Variants in POU6F2 observed in about 807,000 individuals in gnomAD.
POU6F2 encodes POU domain, class 6, transcription factor 2.
In POU6F2, 31 loss-of-function variants were observed where a neutral mutation model predicts 71.3. That is an observed-to-expected ratio of 0.43 (90% CI 0.33 to 0.59). The LOEUF (loss-of-function observed/expected upper bound fraction) is 0.59, where lower values mean the gene tolerates loss of function less well. POU6F2 is among the 20% of genes least tolerant of loss of function. The pLI is 0.04. For missense variants in POU6F2, 783 were observed against 856.8 expected (o/e 0.91, Z 1.07); for synonymous variants, 347 against 355.7 (o/e 0.98, Z 0.27).
In POU6F2 at chr7:39,199,977, A is replaced by G. The variant is rs141360272; in HGVS notation, c.278-4258A>G. Among the ~76,000 whole-genome samples the G allele has an allele frequency of 2.5e-3, 378 of 152,344 alleles. 1 individual carries two copies. The highest frequency in any genetic ancestry group is 8.6e-3 in the African/African-American group (356 of 41,576). On this transcript the variant is annotated intron_variant, in intron 2 of 9. Coordinates refer to ENST00000518318, the MANE Select transcript of POU6F2 (RefSeq NM_001370959.1). ...AATTTTATATTATGATCCCTTTAAA[A>G]TCAGTTATTATATTTTTAAAATTAC...
intron 1 of POU6F2, among the ~76,000 whole-genome samples, chr7:39,015,700 T>TATAACATATAGATATA (rs1554308029): frequency 1.3e-4 from 11 of 84,490 alleles, no homozygotes; most frequent in African/African-American, 2.8e-4. Context: ...CTATATATTA[T>TATAACATATAGATATA]ATATATCTAT....
intron 1 of POU6F2, among the ~76,000 whole-genome samples, chr7:39,025,212 C>G (rs1285539204): frequency 6.6e-6 from 1 of 152,164 alleles, no homozygotes. Flanking sequence ...AGAGATTCAA[C>G]TTCTTCCTGG....
chr7:39,084,541 C>T (rs1791194692), intron 1 of POU6F2, among the ~76,000 whole-genome samples: 1 of 152,032 alleles, frequency 6.6e-6, no homozygotes, highest in Non-Finnish European at 1.5e-5. Context: ...GCACAGAGTC[C>T]AATATTTAAG....
chr7:39,067,139 G>T (rs1790773085), intron 1 of POU6F2, among the ~76,000 whole-genome samples: 1 of 145,144 alleles, frequency 6.9e-6, no homozygotes, highest in African/African-American at 2.5e-5. Flanking sequence ...TTCAAAAATA[G>T]ACCTGGAATT....
At chr7:39,087,061 A>C (rs1272538173) in intron 2 of POU6F2, among the ~76,000 whole-genome samples, 2 of 132,544 alleles carry the variant, frequency 1.5e-5, no homozygotes, top group African/African-American at 2.8e-5. Flanking sequence ...CAAGCACCTG[A>C]ACTTCAAAAA....
chr7:39,336,121 C>G (rs1562794625), intron 4 of POU6F2, among the ~76,000 whole-genome samples: 1 of 152,236 alleles, frequency 6.6e-6, no homozygotes, highest in African/African-American at 2.4e-5. Context: ...TAGTACAATA[C>G]ACATAACATA....
intron 2 of POU6F2, among the ~76,000 whole-genome samples, chr7:39,149,229 G>A (rs1270533378): frequency 1.3e-5 from 2 of 152,120 alleles, no homozygotes; most frequent in Non-Finnish European, 2.9e-5. Context: ...TGTGGACTTT[G>A]CAATCTATTG....
chr7:39,208,803 C>G (rs891097566), intron 4 of POU6F2, among the ~76,000 whole-genome samples: 1 of 152,168 alleles, frequency 6.6e-6, no homozygotes, highest in East Asian at 1.9e-4. Flanking sequence ...GAAGCCAGAT[C>G]TCAAGATTAA....
chr7:39,297,190 T>TCACATACACACAC (rs1554339589), intron 4 of POU6F2, among the ~76,000 whole-genome samples: 9 of 118,108 alleles, frequency 7.6e-5, no homozygotes, highest in African/African-American at 1.5e-4. Context: ...CAAACACACA[T>TCACATACACACAC]ACACATACAC....
chr7:39,017,813 CGTGTGTGTGTGTGT>C (rs70977447), intron 1 of POU6F2, among the ~76,000 whole-genome samples: 1 of 147,924 alleles, frequency 6.8e-6, no homozygotes, highest in African/African-American at 2.5e-5. Flanking sequence ...ATTGTGCATG[CGTGTGTGTGTGTGT>C]GTGTGTGTGT....
chr7:38,994,431 C>A (rs1337330550), intron 1 of POU6F2, among the ~76,000 whole-genome samples: 1 of 152,038 alleles, frequency 6.6e-6, no homozygotes, highest in Non-Finnish European at 1.5e-5. Context: ...CTAGGAAAAT[C>A]CATTTGCCAG....
chr7:39,042,538 G>C (rs915402818), intron 1 of POU6F2, among the ~76,000 whole-genome samples: 3 of 151,996 alleles, frequency 2.0e-5, no homozygotes, highest in African/African-American at 4.8e-5. Context: ...ACCCATGTTT[G>C]ACATGTAGCA....
chr7:39,245,777 G>A (rs533999760), intron 4 of POU6F2, among the ~76,000 whole-genome samples: 13 of 152,214 alleles, frequency 8.5e-5, no homozygotes, highest in Non-Finnish European at 1.6e-4. Flanking sequence ...GAGCATCAGT[G>A]GGGAAAGAAT....
At chr7:39,450,563 C>G (rs946538703) in intron 7 of POU6F2, among the ~76,000 whole-genome samples, 12 of 152,186 alleles carry the variant, frequency 7.9e-5, no homozygotes, top group African/African-American at 2.9e-4. Context: ...CTCTCCTCAG[C>G]TGAGCTCCTC....
At chr7:39,349,804 G>C (rs1008684770) in intron 5 of POU6F2, among the ~76,000 whole-genome samples, 1 of 152,130 alleles carries the variant, frequency 6.6e-6, no homozygotes, top group African/African-American at 2.4e-5. Context: ...GAACTAAATT[G>C]GGCATTCTGG....
intron 2 of POU6F2, among the ~76,000 whole-genome samples, chr7:39,201,154 C>G (rs73126409): frequency 0.11 from 16,576 of 152,264 alleles, 964 homozygotes; most frequent in Middle Eastern, 0.14. Flanking sequence ...ATCTTCACAA[C>G]AGCAATGCTG....
chr7:39,281,997 A>G (rs563798287), intron 4 of POU6F2, among the ~76,000 whole-genome samples: 113 of 152,062 alleles, frequency 7.4e-4, no homozygotes, highest in African/African-American at 2.5e-3. Context: ...ATTGGGGTGA[A>G]GTGGTATCTC....
At chr7:39,241,710 A>T (rs1358800783) in intron 4 of POU6F2, among the ~76,000 whole-genome samples, 1 of 152,142 alleles carries the variant, frequency 6.6e-6, no homozygotes, top group Non-Finnish European at 1.5e-5. Context: ...ATTAGGCCTT[A>T]TTCTATTGGT....
At chr7:39,369,573 G>A (rs113625897) in intron 5 of POU6F2, among the ~76,000 whole-genome samples, 79 of 151,782 alleles carry the variant, frequency 5.2e-4, no homozygotes, top group Admixed American at 1.0e-3. Context: ...CATGTTGGCC[G>A]GGCTGGTCTT....
Sources: allele counts gnomAD v4.1 joint callset (sites outside exome capture counted in the v4.1 genomes callset), GRCh38; gene constraint gnomAD v4.1.1; transcripts MANE v1.5; gene names NCBI Gene and HGNC (gene_info 2026-07-23, HGNC 2026-07-21).